Variants in WDR72 observed in about 807,000 individuals in gnomAD.
WDR72 encodes WD repeat-containing protein 72.
Under a neutral mutation model 124.2 loss-of-function variants are expected in WDR72, and 120 were observed. That is an observed-to-expected ratio of 0.97 (90% CI 0.83 to 1.12). WDR72 has a LOEUF of 1.12. Ranked by LOEUF, WDR72 falls within the 50% of genes most tolerant of loss-of-function variation. The probability of loss-of-function intolerance (pLI) is 0.00; values close to 1 mark genes in which losing one functional copy is unlikely to be tolerated. For missense variants in WDR72, 1,387 were observed against 1,278.8 expected (o/e 1.08, Z -1.29); for synonymous variants, 452 against 441.7 (o/e 1.02, Z -0.29).
intron 12 of WDR72, among the ~76,000 whole-genome samples, chr15:53,701,414 G>C (rs1042070399): frequency 6.6e-6 from 1 of 152,030 alleles, no homozygotes; most frequent in Non-Finnish European, 1.5e-5. Flanking sequence ...TGGACTACAT[G>C]CCTGTAGTCC....
At position 53,686,145 on chromosome 15, in the gene WDR72, G is replaced by A. The variant is rs191403307; in HGVS notation, c.1765+13605C>T. 4.2e-3 allele frequency among the ~76,000 whole-genome samples: 604 copies of A among 145,198 alleles called. 7 individuals are homozygous for A. The highest frequency in any genetic ancestry group is 6.0e-3 in the Non-Finnish European group (398 of 66,586). On this transcript the variant is annotated intron_variant, in intron 13 of 19. Coordinates refer to ENST00000360509, the MANE Select transcript of WDR72 (RefSeq NM_182758.4). ...AGACCATCGAGACGAGGACGAAACT[G>A]CATCAACTAATGAGCAAAATCACCA...
At chr15:53,643,926 A>G (rs930941873) in intron 14 of WDR72, among the ~76,000 whole-genome samples, 1 of 152,176 alleles carries the variant, frequency 6.6e-6, no homozygotes, top group Non-Finnish European at 1.5e-5. Flanking sequence ...TATTTTATCC[A>G]TGAAAAATGT....
intron 18 of WDR72, among the ~76,000 whole-genome samples, chr15:53,552,610 T>G (rs914267824): frequency 3.9e-5 from 6 of 152,192 alleles, no homozygotes; most frequent in Non-Finnish European, 8.8e-5. Flanking sequence ...GTTTTAACTG[T>G]TCTTCTTTCA....
chr15:53,617,914 T>A (rs937702579), intron 14 of WDR72, among the ~76,000 whole-genome samples: 5 of 151,988 alleles, frequency 3.3e-5, no homozygotes, highest in Non-Finnish European at 7.4e-5. Flanking sequence ...TTTTGAGGAC[T>A]GGGAGGTATA....
chr15:53,712,523 G>A lies in WDR72; in HGVS notation c.711+249C>T, dbSNP rs2447050. Among the ~76,000 whole-genome samples, 112,379 of 151,734 alleles carry A rather than the reference G, an allele frequency of 0.74. 41,743 individuals are homozygous for A. Among genetic ancestry groups the A allele is most frequent in the South Asian group, 0.8 (3,839 of 4,804 alleles). ...GGCAGGAGAACTGCTTGAACCTGGGGGGTGGAGGTTGCAGTGAGCTGAGAT... is the reference window on the plus strand; with the variant it reads ...GGCAGGAGAACTGCTTGAACCTGGGAGGTGGAGGTTGCAGTGAGCTGAGAT... On this transcript the variant is annotated intron_variant, in intron 7 of 19. Coordinates refer to ENST00000360509, the MANE Select transcript of WDR72 (RefSeq NM_182758.4).
chr15:53,588,237 G>A (rs1195659086), intron 18 of WDR72, among the ~76,000 whole-genome samples: 1 of 151,922 alleles, frequency 6.6e-6, no homozygotes, highest in Admixed American at 6.6e-5. Flanking sequence ...AACATTTAAT[G>A]AGCACCCATC....
intron 14 of WDR72, among the ~76,000 whole-genome samples, chr15:53,630,678 C>A (rs1262600940): frequency 6.6e-6 from 1 of 151,972 alleles, no homozygotes; most frequent in African/African-American, 2.4e-5. Flanking sequence ...ATAAAAAACA[C>A]CCAAGAAACT....
chr15:53,548,848 G>C (rs1893605105), intron 18 of WDR72, among the ~76,000 whole-genome samples: 1 of 152,132 alleles, frequency 6.6e-6, no homozygotes, highest in Non-Finnish European at 1.5e-5. Flanking sequence ...AGTCAACAGA[G>C]AGAGATTAGC....
chr15:53,686,997 T>C (rs2016657040), intron 13 of WDR72, among the ~76,000 whole-genome samples: 2 of 151,224 alleles, frequency 1.3e-5, no homozygotes, highest in Admixed American at 1.3e-4. Context: ...GAAATAAACA[T>C]GTTCTTTGAA....
chr15:53,682,476 A>T lies in WDR72; in HGVS notation c.1766-16708T>A, dbSNP rs7180008. 2.1e-3 allele frequency among the ~76,000 whole-genome samples: 323 copies of T among 152,218 alleles called. 2 individuals are homozygous for T. The highest frequency in any genetic ancestry group is 7.6e-3 in the African/African-American group (314 of 41,506). Reference sequence around the variant, plus strand: ...TTGTTTATTTAATTTGGTTCAAAGTAAGGTCAAACTCTTTCTTATTACTGT... The same window carrying T: ...TTGTTTATTTAATTTGGTTCAAAGTTAGGTCAAACTCTTTCTTATTACTGT... On this transcript the variant is annotated intron_variant, in intron 13 of 19. Coordinates refer to ENST00000360509, the MANE Select transcript of WDR72 (RefSeq NM_182758.4).
intron 18 of WDR72, among the ~76,000 whole-genome samples, chr15:53,562,392 T>C (rs1447781549): frequency 6.6e-6 from 1 of 151,842 alleles, no homozygotes; most frequent in Non-Finnish European, 1.5e-5. Flanking sequence ...AAGTTTAGTG[T>C]AAATTAGAAG....
intron 1 of WDR72, among the ~76,000 whole-genome samples, chr15:53,733,810 TC>T (rs1442370314): frequency 6.6e-6 from 1 of 152,160 alleles, no homozygotes; most frequent in Admixed American, 6.5e-5. Flanking sequence ...TACATAAGTA[TC>T]AAAAAATGTT....
intron 18 of WDR72, among the ~76,000 whole-genome samples, chr15:53,585,161 G>A (rs866015935): frequency 2.6e-4 from 39 of 151,974 alleles, no homozygotes; most frequent in African/African-American, 8.7e-4. Context: ...ACCCGAGACT[G>A]GGTAATTTAT....
At chr15:53,517,833 G>T in intron 19 of WDR72, 79 bp from the exon 20 acceptor site, 1 of 1,355,590 alleles carries the variant, frequency 7.4e-7, no homozygotes. Context: ...AGGAGGGGAG[G>T]GAGAGAGGAA....
At chr15:53,672,512 T>C (rs1330198911) in intron 13 of WDR72, among the ~76,000 whole-genome samples, 1 of 152,188 alleles carries the variant, frequency 6.6e-6, no homozygotes, top group Non-Finnish European at 1.5e-5. Flanking sequence ...TTTTGTTTTG[T>C]TCTTAAATAG....
chr15:53,740,502 G>A (rs689951), intron 1 of WDR72, among the ~76,000 whole-genome samples: 3,293 of 152,026 alleles, frequency 0.022, 137 homozygotes, highest in African/African-American at 0.076. Context: ...AGAGAACGGG[G>A]TTTCACCGTG....
rs920091109 is a variant in WDR72 at position 53,728,847 on chromosome 15, G to T, written c.153+4150C>A. On this transcript the variant is annotated intron_variant, in intron 2 of 19. Coordinates refer to ENST00000360509, the MANE Select transcript of WDR72 (RefSeq NM_182758.4). ...TGGGAGTCAGACTTCGAACTCAAAGGCAGCATGTATAATCTAGGCATGCAG... is the reference window on the plus strand; with the variant it reads ...TGGGAGTCAGACTTCGAACTCAAAGTCAGCATGTATAATCTAGGCATGCAG... 3.9e-5 allele frequency among the ~76,000 whole-genome samples: 6 copies of T among 152,204 alleles called. No individual in the cohort carries two copies. In the East Asian group the frequency reaches 1.2e-3, roughly 29 times the overall value.
intron 18 of WDR72, among the ~76,000 whole-genome samples, chr15:53,548,622 T>G (rs1234970515): frequency 1.3e-5 from 2 of 151,876 alleles, no homozygotes; most frequent in Non-Finnish European, 1.5e-5. Flanking sequence ...CTAATGATTT[T>G]CTGACCATGT....
At chr15:53,609,365 C>T (rs1013807417) in intron 17 of WDR72, 148 bp downstream of exon 17, 48 of 709,030 alleles carry the variant, frequency 6.8e-5, no homozygotes, top group African/African-American at 6.2e-4. Flanking sequence ...TGTTATGGTC[C>T]GTGTTTTCCC....
Sources: allele counts gnomAD v4.1 joint callset (sites outside exome capture counted in the v4.1 genomes callset), GRCh38; gene constraint gnomAD v4.1.1; transcripts MANE v1.5; gene names NCBI Gene and HGNC (gene_info 2026-07-23, HGNC 2026-07-21).